Variants in MUC12 observed in about 807,000 individuals in gnomAD.
MUC12 encodes the protein mucin 12, cell surface associated.
In MUC12, 172 loss-of-function variants were observed where a neutral mutation model predicts 230.8. The observed-to-expected ratio is 0.75, with a 90% confidence interval of 0.66 to 0.85. MUC12 has a LOEUF of 0.85. Ranked by LOEUF, MUC12 falls within the 40% of genes least tolerant of loss-of-function variation. The pLI, the probability that MUC12 is intolerant of heterozygous loss-of-function variation, is 0.00. For missense variants in MUC12, 3,506 were observed against 5,920.6 expected (o/e 0.59, Z 13.38); for synonymous variants, 1,259 against 2,401.9 (o/e 0.52, Z 13.91).
chr7:101,010,071 T>C lies in MUC12; in HGVS notation c.15251+912T>C, dbSNP rs558861304. On this transcript the variant is annotated intron_variant, in intron 5 of 11. Coordinates refer to ENST00000536621, the MANE Select transcript of MUC12 (RefSeq NM_001164462.2). ...AGGTGACAGTAAAGGAGAAAACAGG[T>C]CCAGTGTGAAAGGTCTTTGGGAGGC... Among the ~76,000 whole-genome samples, 10 of 151,682 alleles carry C rather than the reference T, an allele frequency of 6.6e-5. 1 individual carries two copies. The South Asian group carries it at 1.9e-3, about 28-fold the overall frequency.
intron 3 of MUC12, among the ~76,000 whole-genome samples, chr7:101,007,886 C>T (rs1793779374): frequency 6.6e-6 from 1 of 151,108 alleles, no homozygotes; most frequent in African/African-American, 2.4e-5. Context: ...CAAGCTCCAC[C>T]TCCCAGGTTC....
At chr7:100,979,452 TA>T (rs1225740377) in intron 1 of MUC12, among the ~76,000 whole-genome samples, 3 of 151,394 alleles carry the variant, frequency 2.0e-5, no homozygotes, top group Non-Finnish European at 4.4e-5. Context: ...TAAAACAGAA[TA>T]AAATAAAGCA....
Position 101,018,790 on chromosome 7 carries a change from C to A in MUC12, c.*154C>A. 1 of 697,816 alleles carries A rather than the reference C, an allele frequency of 1.4e-6. No homozygotes were observed. 43.2% of individuals were successfully genotyped at this position (697,816 alleles called of 1,614,324 possible). ...CTGACAGACTTGGCCAGTCCCCTGC[C>A]TGTGCTCCTGCTGGGGAAGGCTGGG... On this transcript the variant is annotated 3_prime_UTR_variant, in exon 12 of 12. Transcript: ENST00000536621.
Position 100,985,006 on chromosome 7 carries a change from A to T in MUC12, c.68-5625A>T, listed in dbSNP as rs576367697. 3.9e-5 allele frequency among the ~76,000 whole-genome samples: 6 copies of T among 152,146 alleles called. No individual in the cohort carries two copies. In the East Asian group the frequency reaches 1.2e-3, roughly 29 times the overall value. ...CTCAGCCTCCTGAGTAGCTGGGATT[A>T]CAGGCACCCGCCACCACGCCTGGCT... On this transcript the variant is annotated intron_variant, in intron 1 of 11. Coordinates refer to ENST00000536621, the MANE Select transcript of MUC12 (RefSeq NM_001164462.2).
Position 100,969,892 on chromosome 7 carries a change from G to A in MUC12, c.67+203G>A, listed in dbSNP as rs1413127987. On this transcript the variant is annotated intron_variant, in intron 1 of 11. Transcript: ENST00000536621. ...ACTGTGGAGACCTGTGGGTGCCTGT[G>A]GTTGTGCAGGGGATGGTCTGCACAC... Among the ~76,000 whole-genome samples the A allele has an allele frequency of 2.6e-5, 4 of 152,420 alleles. No individual in the cohort carries two copies. In the East Asian group the frequency reaches 5.8e-4, roughly 22 times the overall value.
chr7:101,018,733 A>G lies in MUC12; in HGVS notation c.*97A>G. ...TCCGGGGCGGGTCAAGAGGAGACCG[A>G]AGTCAGGCCCTGAAGCCGGTCCTGC... On this transcript the variant is annotated 3_prime_UTR_variant, in exon 12 of 12. Transcript: ENST00000536621. 1 of 1,279,398 alleles carries G rather than the reference A, an allele frequency of 7.8e-7. No homozygotes were observed. Among genetic ancestry groups the G allele is most frequent in the African/African-American group, 1.5e-5 (1 of 66,440 alleles). The allele number at this position is 1,279,398 out of a possible 1,614,324, so 79.3% of individuals were successfully genotyped here.
chr7:100,992,501 A>G lies in MUC12; in HGVS notation c.1938A>G (p.Ala646=). The change falls in exon 2 of 12, where the codon GCA becomes GCG. Residue 646 remains alanine, a synonymous_variant. Transcript: ENST00000536621. ...SWPSSKDTRP[A]PPTTTSAFVE... Reference sequence around the variant, plus strand: ...CAAGCTCAAAGGACACTAGGCCTGCACCTCCTACTACCACATCAGCCTTTG... The same window carrying G: ...CAAGCTCAAAGGACACTAGGCCTGCGCCTCCTACTACCACATCAGCCTTTG... 1 of 1,537,834 alleles carries G rather than the reference A, an allele frequency of 6.5e-7. No homozygotes were observed. The highest frequency in any genetic ancestry group is 8.7e-7 in the Non-Finnish European group (1 of 1,147,028).
intron 8 of MUC12, 107 bp downstream of exon 8, chr7:101,013,249 G>A: frequency 1.6e-6 from 2 of 1,284,044 alleles, no homozygotes; most frequent in Non-Finnish European, 2.1e-6. Flanking sequence ...CTTGGGAGGT[G>A]CCTCCTCCCC....
rs764264951 is a variant in MUC12 at position 101,004,384 on chromosome 7, C to T, written c.13821C>T (p.Ser4607=). 2.7e-6 allele frequency: 4 copies of T among 1,484,616 alleles called. No homozygotes were observed. The highest frequency in any genetic ancestry group is 2.5e-5 in the South Asian group (2 of 81,422). 92.0% of individuals were successfully genotyped at this position (1,484,616 alleles called of 1,614,324 possible). The change falls in exon 2 of 12, where the codon AGC becomes AGT. Residue 4607 remains serine (S), a synonymous_variant. Transcript: ENST00000536621. ...TTGAAGAATCTACGGCGTACCACAGCAGCCCGGGCTCAACTCAAACAATGC... is the reference window on the plus strand; with the variant it reads ...TTGAAGAATCTACGGCGTACCACAGTAGCCCGGGCTCAACTCAAACAATGC... The part of the protein sequence containing the change: ...GLVEESTAYH[S]SPGSTQTMHF...
At position 100,991,374 on chromosome 7, in the gene MUC12, C is replaced by G. The variant is rs1168340058; in HGVS notation, c.811C>G (p.His271Asp). 2.0e-6 allele frequency: 3 copies of G among 1,537,690 alleles called. No homozygotes were observed. Among genetic ancestry groups the G allele is most frequent in the Non-Finnish European group, 1.7e-6 (2 of 1,147,052 alleles). The change falls in exon 2 of 12, where the codon CAT becomes GAT. Residue 271 changes from histidine (H) to aspartate (D), a missense_variant. Coordinates refer to ENST00000536621, the MANE Select transcript of MUC12 (RefSeq NM_001164462.2). ...ACTGTCCCCTTCCAGCTCTACAACC[C>G]ATGAGGGAGAACCTACCACCTTCCA... ...TTLSPSSSTT[H>D]EGEPTTFQSW... is the part of the protein sequence containing the mutation.
chr7:100,996,967 GC>G lies in MUC12; in HGVS notation c.6407del (p.Pro2136GlnfsTer33). ...GAGAAATCAACAATATTCCACAGCAGCCCAGATGCAAGTGGAACAACACCCT... is the reference window on the plus strand; with the variant it reads ...GAGAAATCAACAATATTCCACAGCAGCCAGATGCAAGTGGAACAACACCCT... ...HSEKSTIFHS[S>X]PDASGTTPSS... On this transcript the variant is annotated frameshift_variant, in exon 2 of 12. Transcript: ENST00000536621. LOFTEE classifies it high-confidence loss of function. 1 of 453,482 alleles carries G rather than the reference GC, an allele frequency of 2.2e-6. No homozygotes were observed. Among genetic ancestry groups the G allele is most frequent in the Non-Finnish European group, 3.0e-6 (1 of 337,500 alleles). 28.1% of individuals were successfully genotyped at this position (453,482 alleles called of 1,614,324 possible). A position where few individuals can be genotyped will look rare whatever the true frequency, so the allele number is the denominator to read the frequency against.
chr7:100,990,732 A>G lies in MUC12; in HGVS notation c.169A>G (p.Thr57Ala). Reference sequence around the variant, plus strand: ...CTTTAGTGACTATGGGGTGTCAGTCACATTTATCACGGGCTCAACTGCAAC... The same window carrying G: ...CTTTAGTGACTATGGGGTGTCAGTCGCATTTATCACGGGCTCAACTGCAAC... The part of the protein sequence containing the change: ...TTFSDYGVSV[T>A]FITGSTATKH... Residue 57 changes from threonine to alanine, a missense_variant, in exon 2 of 12, where the codon ACA (threonine) becomes GCA (alanine). Physicochemically the swap from Thr to Ala is moderately conservative, Grantham distance 58. Transcript: ENST00000536621. 6.5e-7 allele frequency: 1 copy of G among 1,537,894 alleles called. No homozygotes were observed. Among genetic ancestry groups the G allele is most frequent in the Non-Finnish European group, 8.7e-7 (1 of 1,147,050 alleles).
chr7:100,981,371 G>A (rs1321494117), intron 1 of MUC12: 8 of 641,650 alleles, frequency 1.2e-5, no homozygotes, highest in Admixed American at 2.4e-5. Context: ...CTCCTGCAGC[G>A]AGTGAAGAAC....
intron 9 of MUC12, among the ~76,000 whole-genome samples, chr7:101,014,721 A>C (rs1793890074): frequency 6.6e-6 from 1 of 151,984 alleles, no homozygotes. Flanking sequence ...TGAGTGATCC[A>C]CCCACCCTGG....
intron 1 of MUC12, among the ~76,000 whole-genome samples, chr7:100,971,430 G>C (rs1792892632): frequency 6.6e-6 from 1 of 151,586 alleles, no homozygotes; most frequent in Non-Finnish European, 1.5e-5. Flanking sequence ...AGCTGGGGTG[G>C]GGGTCTCTGG....
intron 1 of MUC12, among the ~76,000 whole-genome samples, chr7:100,975,653 C>T (rs904496783): frequency 1.3e-3 from 9 of 6,820 alleles, no homozygotes; most frequent in Middle Eastern, 0.1. Flanking sequence ...GCTGGAGCTA[C>T]GAGAGGGGGC....
chr7:100,992,228 C>A lies in MUC12; in HGVS notation c.1665C>A (p.Ser555Arg). 1.3e-6 allele frequency: 2 copies of A among 1,537,268 alleles called. No individual in the cohort carries two copies. Among genetic ancestry groups the A allele is most frequent in the Non-Finnish European group, 1.7e-6 (2 of 1,146,538 alleles). The change falls in exon 2 of 12, where the codon AGC becomes AGA. Residue 555 changes from serine (S) to arginine (R), a missense_variant. Ser to Arg is a moderately radical substitution (Grantham distance 110). Transcript: ENST00000536621. Reference sequence around the variant, plus strand: ...AGGAATCTACAGCTTCCCACAGCAGCCCAGGCCCCACAGACACAACATTGT... The same window carrying A: ...AGGAATCTACAGCTTCCCACAGCAGACCAGGCCCCACAGACACAACATTGT... Reference protein sequence around the residue: ...LSQESTASHSSPGPTDTTLSP... With the variant: ...LSQESTASHSRPGPTDTTLSP...
intron 1 of MUC12, among the ~76,000 whole-genome samples, chr7:100,984,183 T>C: frequency 6.6e-6 from 1 of 151,522 alleles, no homozygotes; most frequent in East Asian, 1.9e-4. Flanking sequence ...TTACGTATAG[T>C]ATTACACTCT....
intron 1 of MUC12, among the ~76,000 whole-genome samples, chr7:100,987,478 C>A (rs1793209312): frequency 6.6e-6 from 1 of 152,126 alleles, no homozygotes; most frequent in African/African-American, 2.4e-5. Flanking sequence ...GTAGAGGGGG[C>A]AGTGTTCCAA....
Sources: allele counts gnomAD v4.1 joint callset (sites outside exome capture counted in the v4.1 genomes callset), GRCh38; gene constraint gnomAD v4.1.1; transcripts MANE v1.5; gene names NCBI Gene and HGNC (gene_info 2026-07-23, HGNC 2026-07-21).